APBB2: variants seen among roughly 807,000 people sequenced by gnomAD.
APBB2 encodes Fe65-like 1.
Under a neutral mutation model 82.5 loss-of-function variants are expected in APBB2, and 38 were observed. That is an observed-to-expected ratio of 0.46 (90% CI 0.36 to 0.60). The LOEUF is 0.60. Among genes scored for constraint, APBB2 ranks in the 20% least tolerant of loss-of-function variants. APBB2 has a pLI of 0.00. For missense variants in APBB2, 772 were observed against 972.3 expected (o/e 0.79, Z 2.74); for synonymous variants, 341 against 368.2 (o/e 0.93, Z 0.85).
rs779184199 is a variant in APBB2 at position 40,893,304 on chromosome 4, G to A, written c.1362C>T (p.Cys454=). 2.5e-6 allele frequency: 4 copies of A among 1,613,590 alleles called. No individual in the cohort carries two copies. Among genetic ancestry groups the A allele is most frequent in the Non-Finnish European group, 3.4e-6 (4 of 1,179,874 alleles). Residue 454 remains cysteine, a synonymous_variant, in exon 11 of 18, where the codon TGC becomes TGT. Transcript: ENST00000508593. The stretch of plus-strand genomic sequence containing the variant: ...CGACTGTGTCTCGGATGTCATTTTT[G>A]CAGTAGGAAAGTTGCCTGATGCAGT... ...VNNCIRQLSY[C]KNDIRDTVGI...
chr4:41,163,432 A>T (rs1765692444), intron 1 of APBB2, among the ~76,000 whole-genome samples: 1 of 152,226 alleles, frequency 6.6e-6, no homozygotes. Context: ...GAAAGAAGGA[A>T]GTGACATGGT....
chr4:41,094,205 A>G (rs1384817026), intron 3 of APBB2, among the ~76,000 whole-genome samples: 1 of 152,204 alleles, frequency 6.6e-6, no homozygotes, highest in African/African-American at 2.4e-5. Flanking sequence ...TACTAATATG[A>G]GTGACAATGT....
At chr4:41,023,243 T>C (rs969485457) in intron 5 of APBB2, among the ~76,000 whole-genome samples, 1 of 152,162 alleles carries the variant, frequency 6.6e-6, no homozygotes, top group Non-Finnish European at 1.5e-5. Flanking sequence ...TTGTTAAATA[T>C]GGGGGGCATG....
intron 1 of APBB2, among the ~76,000 whole-genome samples, chr4:41,172,689 T>C (rs1195756576): frequency 6.6e-6 from 1 of 152,226 alleles, no homozygotes; most frequent in African/African-American, 2.4e-5. Flanking sequence ...ATGCTTGAAA[T>C]AGTATGGACA....
chr4:40,888,171 C>T (rs1770876698), intron 12 of APBB2, among the ~76,000 whole-genome samples: 1 of 152,242 alleles, frequency 6.6e-6, no homozygotes, highest in Non-Finnish European at 1.5e-5. Context: ...TATCACTGAA[C>T]CGATTACTGT....
chr4:41,202,587 T>C (rs769486404), intron 1 of APBB2, among the ~76,000 whole-genome samples: 42 of 152,212 alleles, frequency 2.8e-4, no homozygotes, highest in Admixed American at 3.9e-4. Context: ...TCTCTTATAA[T>C]CTTTGGCTTT....
chr4:41,145,468 A>C (rs780279039), intron 1 of APBB2, among the ~76,000 whole-genome samples: 3 of 152,228 alleles, frequency 2.0e-5, no homozygotes, highest in Non-Finnish European at 2.9e-5. Flanking sequence ...GCAGGTATTA[A>C]ATTCATACCA....
intron 2 of APBB2, among the ~76,000 whole-genome samples, chr4:41,141,950 A>G (rs1037021417): frequency 1.1e-4 from 17 of 152,208 alleles, no homozygotes; most frequent in African/African-American, 3.9e-4. Flanking sequence ...GGGTGGGGAC[A>G]CAGCCAAACC....
rs574003144 is a variant in APBB2 at position 40,837,073 on chromosome 4, G to C, written c.1530-6496C>G. Among the ~76,000 whole-genome samples the C allele has an allele frequency of 1.2e-4, 19 of 152,314 alleles. 1 individual carries two copies. The highest frequency in any genetic ancestry group is 4.3e-4 in the African/African-American group (18 of 41,562). ...CCTTGATTTTCTTGTATTCTGAGGG[G>C]GAGAAGAAATTGCTTTGTAGTAAAC... On this transcript the variant is annotated intron_variant, in intron 12 of 17. Coordinates refer to ENST00000508593, the MANE Select transcript of APBB2 (RefSeq NM_004307.2).
chr4:41,125,501 C>T (rs1347203557), intron 2 of APBB2, among the ~76,000 whole-genome samples: 4 of 152,128 alleles, frequency 2.6e-5, no homozygotes, highest in Non-Finnish European at 5.9e-5. Flanking sequence ...AACATTTATG[C>T]CTCTCATTTT....
chr4:41,207,392 T>C (rs1778235665), intron 1 of APBB2, among the ~76,000 whole-genome samples: 1 of 152,128 alleles, frequency 6.6e-6, no homozygotes, highest in South Asian at 2.1e-4. Context: ...TGGGCCAAGC[T>C]GGCTATTACA....
intron 6 of APBB2, among the ~76,000 whole-genome samples, chr4:40,968,351 C>A (rs982609580): frequency 3.9e-5 from 6 of 152,106 alleles, no homozygotes; most frequent in African/African-American, 1.4e-4. Flanking sequence ...TGCTTGCTAA[C>A]CTCCTTAACA....
chr4:41,096,231 G>A (rs1743414752), intron 3 of APBB2, among the ~76,000 whole-genome samples: 1 of 152,206 alleles, frequency 6.6e-6, no homozygotes, highest in African/African-American at 2.4e-5. Flanking sequence ...GCTCATGGGA[G>A]TCAGGAAGAT....
intron 10 of APBB2, among the ~76,000 whole-genome samples, chr4:40,932,471 A>G (rs1412378795): frequency 6.6e-6 from 1 of 152,232 alleles, no homozygotes; most frequent in Non-Finnish European, 1.5e-5. Context: ...CCAACTGGCA[A>G]TATGGCAGTT....
intron 1 of APBB2, among the ~76,000 whole-genome samples, chr4:41,148,161 T>C (rs891237620): frequency 6.6e-6 from 1 of 152,212 alleles, no homozygotes; most frequent in Non-Finnish European, 1.5e-5. Flanking sequence ...CAACAAAGTC[T>C]GTGACTGATA....
chr4:40,881,834 G>A (rs113974416), intron 12 of APBB2, among the ~76,000 whole-genome samples: 1 of 151,974 alleles, frequency 6.6e-6, no homozygotes, highest in South Asian at 2.1e-4. Context: ...GCGCCCGGCC[G>A]AGACCCATTA....
chr4:41,211,522 G>A (rs1198471354), intron 1 of APBB2, among the ~76,000 whole-genome samples: 1 of 149,004 alleles, frequency 6.7e-6, no homozygotes, highest in Non-Finnish European at 1.5e-5. Flanking sequence ...TCACCCTTTT[G>A]CCCAGGCTGG....
intron 1 of APBB2, among the ~76,000 whole-genome samples, chr4:41,160,006 A>AAGAAGG: frequency 6.9e-6 from 1 of 144,444 alleles, no homozygotes; most frequent in Middle Eastern, 3.4e-3. Flanking sequence ...GAAGAAGAAG[A>AAGAAGG]AGAAGAAGAA....
At chr4:41,077,835 A>G (rs1736170192) in intron 3 of APBB2, among the ~76,000 whole-genome samples, 1 of 152,222 alleles carries the variant, frequency 6.6e-6, no homozygotes, top group Non-Finnish European at 1.5e-5. Flanking sequence ...CCAGGTCAAC[A>G]GCTGTGCATA....
Sources: allele counts gnomAD v4.1 joint callset (sites outside exome capture counted in the v4.1 genomes callset), GRCh38; gene constraint gnomAD v4.1.1; transcripts MANE v1.5; gene names NCBI Gene and HGNC (gene_info 2026-07-23, HGNC 2026-07-21).